The following PCNX2 variants were observed in gnomAD, a reference collection of about 807,000 sequenced individuals.
The protein encoded by PCNX2 is pecanex 2, also known as pecanex-like protein 2.
PCNX2 carries 168 observed loss-of-function variants against 223.8 expected under a neutral mutation model. That is an observed-to-expected ratio of 0.75 (90% CI 0.66 to 0.85). The LOEUF is 0.85. PCNX2 is among the 40% of genes least tolerant of loss of function. The pLI, the probability that PCNX2 is intolerant of heterozygous loss-of-function variation, is 0.00. For synonymous variants in PCNX2, 1,006 were observed against 1,052.6 expected, an observed-to-expected ratio of 0.96 and a Z score of 0.86; for missense variants, 2,507 against 2,675.5, an observed-to-expected ratio of 0.94 and a Z score of 1.39.
intron 19 of PCNX2, among the ~76,000 whole-genome samples, chr1:233,146,775 C>A (rs192098561): frequency 5.9e-5 from 9 of 152,074 alleles, no homozygotes; most frequent in Admixed American, 5.9e-4. Flanking sequence ...TAGAATAGCC[C>A]GGGCACCATT....
chr1:232,988,355 G>A (rs1012437391), intron 32 of PCNX2, among the ~76,000 whole-genome samples: 1 of 151,992 alleles, frequency 6.6e-6, no homozygotes, highest in South Asian at 2.1e-4. Context: ...GTGGCCTGCT[G>A]TAGTCTGTGC....
chr1:233,254,879 T>C (rs760125802), intron 5 of PCNX2, among the ~76,000 whole-genome samples: 1 of 152,184 alleles, frequency 6.6e-6, no homozygotes, highest in Non-Finnish European at 1.5e-5. Context: ...TGACTATAAA[T>C]TTACATTGTT....
intron 12 of PCNX2, among the ~76,000 whole-genome samples, chr1:233,209,594 A>G (rs1681710427): frequency 6.6e-6 from 1 of 152,242 alleles, no homozygotes; most frequent in Non-Finnish European, 1.5e-5. Flanking sequence ...TGCCTTGAAC[A>G]CGTTATATTT....
At chr1:233,215,240 G>C (rs1313208144) in intron 12 of PCNX2, among the ~76,000 whole-genome samples, 1 of 152,186 alleles carries the variant, frequency 6.6e-6, no homozygotes, top group Non-Finnish European at 1.5e-5. Flanking sequence ...GGTTCAGTCA[G>C]ATTGCAACAA....
intron 21 of PCNX2, among the ~76,000 whole-genome samples, chr1:233,129,000 G>C (rs1321792994): frequency 6.6e-6 from 1 of 152,214 alleles, no homozygotes; most frequent in Admixed American, 6.5e-5. Context: ...GCGCCTCCTC[G>C]GCCTTGGCGT....
At chr1:233,313,736 A>C in the PCNX2 span, among the ~76,000 whole-genome samples, 2 of 152,204 alleles carry the variant, frequency 1.3e-5, no homozygotes, top group Non-Finnish European at 2.9e-5. Context: ...CCAAAAATGG[A>C]CAAAGAAATA....
intron 1 of PCNX2, among the ~76,000 whole-genome samples, chr1:233,288,242 T>C (rs182293486): frequency 6.6e-6 from 1 of 152,194 alleles, no homozygotes; most frequent in African/African-American, 2.4e-5. Flanking sequence ...CCAAGTGAAT[T>C]AGATTGTTCA....
chr1:233,000,537 T>C lies in PCNX2; in HGVS notation c.5098-2A>G. On this transcript the variant is annotated splice_acceptor_variant, in intron 29 of 33. Coordinates refer to ENST00000258229, the MANE Select transcript of PCNX2 (RefSeq NM_014801.4). LOFTEE classifies it high-confidence loss of function. The surrounding 1 kb of genome is among the most constrained non-coding windows in gnomAD (Gnocchi z 4.6). The stretch of plus-strand genomic sequence containing the variant: ...CTCGTCAGGGCAAGTGAACTGGTCC[T>C]GGTGGGAAGAAGTGTGGGTGTGGGC... The C allele has an allele frequency of 6.3e-7, 1 of 1,580,496 alleles. No individual in the cohort carries two copies.
intron 8 of PCNX2, among the ~76,000 whole-genome samples, chr1:233,242,565 T>C (rs192813062): frequency 5.6e-4 from 85 of 152,344 alleles, no homozygotes; most frequent in Admixed American, 3.1e-3. Flanking sequence ...TGGTTATAGA[T>C]TGTCCATAGA....
chr1:233,273,630 A>ATTTTT (rs386369983), intron 1 of PCNX2, among the ~76,000 whole-genome samples: 3 of 146,366 alleles, frequency 2.0e-5, no homozygotes, highest in Non-Finnish European at 4.5e-5. Context: ...CTCTTTTGGC[A>ATTTTT]TTTTTTTTTT....
intron 33 of PCNX2, chr1:232,985,676 G>A (rs1010679324): frequency 4.5e-6 from 2 of 440,398 alleles, no homozygotes; most frequent in African/African-American, 4.0e-5. Flanking sequence ...AAATCGATTG[G>A]CTGAGAAGCA....
chr1:233,021,488 CTT>C lies in PCNX2; in HGVS notation c.4605+3656_4605+3657del, dbSNP rs1670887851. On this transcript the variant is annotated intron_variant, in intron 26 of 33. Coordinates refer to ENST00000258229, the MANE Select transcript of PCNX2 (RefSeq NM_014801.4). ...CCAGCCTGGGCAACAGAGTGAGACTCTTTCTCAAAAAAAGAAAAAAAAGTCCT... is the reference window on the plus strand; with the variant it reads ...CCAGCCTGGGCAACAGAGTGAGACTCTCTCAAAAAAAGAAAAAAAAGTCCT... Among the ~76,000 whole-genome samples the C allele has an allele frequency of 3.5e-5, 5 of 144,776 alleles. No homozygotes were observed. In the South Asian group the frequency reaches 1.1e-3, roughly 30 times the overall value. The allele number at this position is 144,776 out of a possible 152,430, so 95.0% of individuals were successfully genotyped here.
chr1:233,131,131 T>G (rs1196965256), intron 21 of PCNX2, among the ~76,000 whole-genome samples: 11 of 152,184 alleles, frequency 7.2e-5, no homozygotes, highest in Non-Finnish European at 2.9e-5. Flanking sequence ...AGAGCCCTTC[T>G]GTGAGGGGGG....
intron 28 of PCNX2, among the ~76,000 whole-genome samples, chr1:233,004,253 A>G (rs1670197370): frequency 1.3e-5 from 2 of 152,122 alleles, no homozygotes; most frequent in Non-Finnish European, 2.9e-5. Flanking sequence ...GGATCTTTCA[A>G]GATTATCCGG....
At chr1:233,019,570 A>G (rs1279767693) in intron 26 of PCNX2, among the ~76,000 whole-genome samples, 2 of 152,098 alleles carry the variant, frequency 1.3e-5, no homozygotes, top group Non-Finnish European at 2.9e-5. Context: ...TGGCCCGTTG[A>G]TATGTGTATA....
intron 1 of PCNX2, among the ~76,000 whole-genome samples, chr1:233,278,134 CTT>C (rs1558419356): frequency 1.3e-5 from 2 of 152,334 alleles, no homozygotes; most frequent in East Asian, 1.9e-4. Flanking sequence ...CGAGTCTACT[CTT>C]TGTGTCTACT....
intron 21 of PCNX2, among the ~76,000 whole-genome samples, chr1:233,107,834 A>T (rs1674887010): frequency 6.6e-6 from 1 of 152,230 alleles, no homozygotes; most frequent in Admixed American, 6.5e-5. Context: ...GCATTCCCAG[A>T]CACTTAAGGC....
At chr1:233,092,397 A>C (rs1211605219) in intron 22 of PCNX2, among the ~76,000 whole-genome samples, 2 of 152,202 alleles carry the variant, frequency 1.3e-5, no homozygotes, top group African/African-American at 4.8e-5. Context: ...TTGATTCTAA[A>C]ATTTCCCCAG....
the PCNX2 span, among the ~76,000 whole-genome samples, chr1:233,300,984 T>A: frequency 6.6e-6 from 1 of 152,152 alleles, no homozygotes; most frequent in East Asian, 1.9e-4. Flanking sequence ...AAGGCTCTTT[T>A]GTAACCCCCT....
Sources: gnomAD v4.1 joint callset for allele counts (sites outside exome capture counted in the v4.1 genomes callset) on GRCh38, gnomAD v4.1.1 for gene constraint, Gnocchi (gnomAD v3.1) non-coding constraint, MANE v1.5 for transcripts, NCBI Gene and HGNC (gene_info 2026-07-23, HGNC 2026-07-21) for gene names.